SLC35F4: variants seen among roughly 807,000 people sequenced by gnomAD.
SLC35F4 encodes the protein chromosome 14 open reading frame 36.
SLC35F4 carries 24 observed loss-of-function variants against 44.2 expected under a neutral mutation model. The observed-to-expected ratio is 0.54, with a 90% CI of 0.39 to 0.76. SLC35F4 has a LOEUF of 0.76. SLC35F4 is among the 30% of genes least tolerant of loss of function. SLC35F4 has a pLI of 0.00. For missense variants in SLC35F4, 562 were observed against 586.1 expected, an observed-to-expected ratio of 0.96 and a Z score of 0.42; for synonymous variants, 238 against 223.6, an observed-to-expected ratio of 1.06 and a Z score of -0.57.
chr14:57,848,553 G>A (rs904930088), intron 1 of SLC35F4, among the ~76,000 whole-genome samples: 5 of 152,174 alleles, frequency 3.3e-5, no homozygotes, highest in African/African-American at 4.8e-5. Context: ...GCTGATTAAC[G>A]GTAGAGTCAT....
At chr14:57,689,371 T>G (rs753204532) in intron 1 of SLC35F4, among the ~76,000 whole-genome samples, 9 of 152,012 alleles carry the variant, frequency 5.9e-5, no homozygotes, top group Admixed American at 1.3e-4. Flanking sequence ...GTCCACACCA[T>G]TACCTAGAGA....
At chr14:57,615,323 G>C (rs771503725) in intron 1 of SLC35F4, among the ~76,000 whole-genome samples, 5 of 151,228 alleles carry the variant, frequency 3.3e-5, no homozygotes, top group South Asian at 2.1e-4. Flanking sequence ...ATCTAAGTGA[G>C]AATCCCTGAA....
At chr14:57,873,467 G>A (rs1335104798) in intron 1 of SLC35F4, among the ~76,000 whole-genome samples, 1 of 152,148 alleles carries the variant, frequency 6.6e-6, no homozygotes, top group Admixed American at 6.5e-5. Flanking sequence ...CCATTGGGTA[G>A]AATACACTTT....
At chr14:57,650,465 A>C in intron 1 of SLC35F4, among the ~76,000 whole-genome samples, 1 of 152,084 alleles carries the variant, frequency 6.6e-6, no homozygotes, top group East Asian at 1.9e-4. Flanking sequence ...TTCATTAGCA[A>C]GTTCTACTGA....
At chr14:57,598,805 G>A (rs890852727) in intron 1 of SLC35F4, among the ~76,000 whole-genome samples, 3 of 152,128 alleles carry the variant, frequency 2.0e-5, no homozygotes, top group Non-Finnish European at 4.4e-5. Context: ...AGCAAACACC[G>A]CTATATAGAT....
chr14:57,977,369 G>T (rs1428868174), intron 1 of SLC35F4, among the ~76,000 whole-genome samples: 1 of 152,190 alleles, frequency 6.6e-6, no homozygotes, highest in Non-Finnish European at 1.5e-5. Context: ...GCTAAGGATG[G>T]TGTATCGAGT....
intron 1 of SLC35F4, among the ~76,000 whole-genome samples, chr14:57,780,367 C>G (rs956794410): frequency 6.6e-6 from 1 of 152,066 alleles, no homozygotes; most frequent in South Asian, 2.1e-4. Flanking sequence ...CCTAGGATTA[C>G]AGCTAACCAA....
chr14:57,956,380 G>A (rs1051169098), intron 1 of SLC35F4, among the ~76,000 whole-genome samples: 1 of 152,116 alleles, frequency 6.6e-6, no homozygotes, highest in African/African-American at 2.4e-5. Context: ...ATAGGCATGG[G>A]CAAAGACTTC....
chr14:57,937,375 A>G (rs1215974477), intron 1 of SLC35F4, among the ~76,000 whole-genome samples: 1 of 151,896 alleles, frequency 6.6e-6, no homozygotes, highest in Admixed American at 6.6e-5. Flanking sequence ...GCCTTTACCC[A>G]CTTTTGAAAT....
intron 1 of SLC35F4, among the ~76,000 whole-genome samples, chr14:57,888,090 C>T (rs1481298734): frequency 6.6e-6 from 1 of 152,150 alleles, no homozygotes; most frequent in African/African-American, 2.4e-5. Context: ...CACTCTGCTT[C>T]ATTAACTCCA....
intron 1 of SLC35F4, among the ~76,000 whole-genome samples, chr14:57,927,841 C>A (rs987276757): frequency 6.6e-6 from 1 of 152,058 alleles, no homozygotes; most frequent in African/African-American, 2.4e-5. Flanking sequence ...GAACAAAAGT[C>A]TTTAAATTTG....
chr14:57,642,275 A>G (rs147553817), intron 1 of SLC35F4, among the ~76,000 whole-genome samples: 1 of 151,992 alleles, frequency 6.6e-6, no homozygotes, highest in East Asian at 1.9e-4. Flanking sequence ...GAAGGTGTTT[A>G]CATTGAAGAC....
At chr14:57,682,780 A>T (rs2074947946) in intron 1 of SLC35F4, among the ~76,000 whole-genome samples, 1 of 152,166 alleles carries the variant, frequency 6.6e-6, no homozygotes, top group African/African-American at 2.4e-5. Flanking sequence ...CCTCCACTTA[A>T]CAAGCTGACT....
chr14:57,616,634 C>T (rs2071847525), intron 1 of SLC35F4, among the ~76,000 whole-genome samples: 1 of 152,208 alleles, frequency 6.6e-6, no homozygotes, highest in Non-Finnish European at 1.5e-5. Flanking sequence ...CCAGGCTCCA[C>T]TTCTTTACTG....
intron 1 of SLC35F4, among the ~76,000 whole-genome samples, chr14:57,752,651 G>A (rs1489185124): frequency 3.3e-5 from 5 of 151,940 alleles, no homozygotes; most frequent in Non-Finnish European, 5.9e-5. Flanking sequence ...AGTAGAGATG[G>A]AGTTTCACCA....
At chr14:57,645,263 T>C (rs1345127066) in intron 1 of SLC35F4, among the ~76,000 whole-genome samples, 2 of 152,224 alleles carry the variant, frequency 1.3e-5, no homozygotes, top group Non-Finnish European at 2.9e-5. Flanking sequence ...GCATGGAATG[T>C]TCTTCCTTTT....
chr14:57,738,414 G>C (rs1194449450), intron 1 of SLC35F4, among the ~76,000 whole-genome samples: 1 of 151,964 alleles, frequency 6.6e-6, no homozygotes, highest in Non-Finnish European at 1.5e-5. Context: ...TTGGACCTAT[G>C]TCTCCCATCT....
At chr14:57,742,144 G>A (rs141035697) in intron 1 of SLC35F4, among the ~76,000 whole-genome samples, 1 of 152,224 alleles carries the variant, frequency 6.6e-6, no homozygotes, top group Non-Finnish European at 1.5e-5. Flanking sequence ...GACCATCCAG[G>A]CTAGGAAGAA....
Position 57,597,577 on chromosome 14 carries a change from G to A in SLC35F4, c.104-3453C>T, listed in dbSNP as rs60855465. On this transcript the variant is annotated intron_variant, in intron 1 of 7. Transcript: ENST00000556826. ...CAATTAGCCACAGTTTGATGCAGCTGGGGGAGCAGGAAGAAAGGGAGTGAG... is the reference window on the plus strand; with the variant it reads ...CAATTAGCCACAGTTTGATGCAGCTAGGGGAGCAGGAAGAAAGGGAGTGAG... Among the ~76,000 whole-genome samples, 272 of 152,326 alleles carry A rather than the reference G, an allele frequency of 1.8e-3. 2 individuals carry two copies. The highest frequency in any genetic ancestry group is 6.8e-3 in the Middle Eastern group (2 of 294).
Sources: allele counts gnomAD v4.1 joint callset (sites outside exome capture counted in the v4.1 genomes callset), GRCh38; gene constraint gnomAD v4.1.1; transcripts MANE v1.5; gene names NCBI Gene and HGNC (gene_info 2026-07-23, HGNC 2026-07-21).